Variants in ETNK1 observed in about 807,000 individuals in gnomAD.
ETNK1 encodes the protein ethanolamine kinase 1.
Under a neutral mutation model 45.1 loss-of-function variants are expected in ETNK1, and 8 were observed. The observed-to-expected ratio is 0.18, with a 90% CI of 0.10 to 0.32. The LOEUF (loss-of-function observed/expected upper bound fraction) is 0.32, where lower values mean the gene tolerates loss of function less well. ETNK1 is among the 10% of genes least tolerant of loss of function. The pLI is 1.00. For missense variants in ETNK1, 302 were observed against 430.6 expected, an observed-to-expected ratio of 0.70 and a Z score of 2.64; for synonymous variants, 152 against 151.9, an observed-to-expected ratio of 1.00 and a Z score of -0.01.
At chr12:22,648,565 G>C (rs1189170576) in intron 2 of ETNK1, among the ~76,000 whole-genome samples, 1 of 151,812 alleles carries the variant, frequency 6.6e-6, no homozygotes, top group East Asian at 1.9e-4. Flanking sequence ...TCTTTTTAGG[G>C]TTCTGAATAA....
intron 6 of ETNK1, among the ~76,000 whole-genome samples, chr12:22,677,422 A>G (rs1228475110): frequency 6.6e-6 from 1 of 152,118 alleles, no homozygotes; most frequent in African/African-American, 2.4e-5. Context: ...GCCTTGTAGT[A>G]TAGTTTGAAG....
intron 1 of ETNK1, chr12:22,639,075 G>A (rs893538537): frequency 1.3e-5 from 2 of 151,952 alleles, no homozygotes; most frequent in Non-Finnish European, 2.9e-5. Flanking sequence ...AGATCCATGC[G>A]TTTGTATGTT....
Position 22,664,037 on chromosome 12 carries a change from G to A in ETNK1, c.700+2832G>A, listed in dbSNP as rs186522682. Among the ~76,000 whole-genome samples the A allele has an allele frequency of 3.3e-5, 5 of 152,010 alleles. No individual in the cohort carries two copies. The East Asian group carries it at 7.7e-4, about 23-fold the overall frequency. ...TATGACAAGAAGCTTACTTAACCTA[G>A]TCTTTAGTGTTACGTTTCAAATTGG... On this transcript the variant is annotated intron_variant, in intron 4 of 7. Coordinates refer to ENST00000266517, the MANE Select transcript of ETNK1 (RefSeq NM_018638.5).
intron 1 of ETNK1, among the ~76,000 whole-genome samples, chr12:22,630,650 G>T (rs896671738): frequency 6.6e-6 from 1 of 151,946 alleles, no homozygotes; most frequent in Non-Finnish European, 1.5e-5. Context: ...TCTCGCTGTA[G>T]CCCAGGCTGG....
chr12:22,671,401 A>G, intron 5 of ETNK1, 46 bp downstream of exon 5: 1 of 1,180,816 alleles, frequency 8.5e-7, no homozygotes, highest in East Asian at 2.3e-5. Flanking sequence ...CGATATTTTC[A>G]GAATATTTCA....
At chr12:22,672,682 A>G (rs912045671) in intron 5 of ETNK1, among the ~76,000 whole-genome samples, 1 of 152,368 alleles carries the variant, frequency 6.6e-6, no homozygotes, top group South Asian at 2.1e-4. Flanking sequence ...TTGGATGTGC[A>G]AACTAAAGAG....
At chr12:22,674,519 A>G (rs988434496) in intron 6 of ETNK1, among the ~76,000 whole-genome samples, 2 of 152,146 alleles carry the variant, frequency 1.3e-5, no homozygotes, top group African/African-American at 4.8e-5. Context: ...TCTTCTATCT[A>G]TTTTCAGTAC....
At position 22,685,001 on chromosome 12, in the gene ETNK1, C is replaced by G; in HGVS notation, c.*47C>G. On this transcript the variant is annotated 3_prime_UTR_variant, in exon 8 of 8. Coordinates refer to ENST00000266517, the MANE Select transcript of ETNK1 (RefSeq NM_018638.5). ...CAGTAGCTGAGCAATGCTTGTGAAT[C>G]TTTTCTTAAGAAATCCCAAAAAGCC... The G allele has an allele frequency of 7.3e-7, 1 of 1,376,884 alleles. No homozygotes were observed. The highest frequency in any genetic ancestry group is 1.0e-6 in the Non-Finnish European group (1 of 998,546). 85.3% of individuals were successfully genotyped at this position (1,376,884 alleles called of 1,614,324 possible).
intron 1 of ETNK1, among the ~76,000 whole-genome samples, chr12:22,630,086 G>A (rs1252877175): frequency 6.6e-6 from 1 of 152,110 alleles, no homozygotes; most frequent in Non-Finnish European, 1.5e-5. Context: ...ATCTTTTTGG[G>A]GACTGAGCAT....
intron 2 of ETNK1, among the ~76,000 whole-genome samples, chr12:22,650,761 G>T (rs577078576): frequency 1.3e-5 from 2 of 151,932 alleles, no homozygotes; most frequent in African/African-American, 4.8e-5. Context: ...ATATAAAAAT[G>T]TAGCATTTTC....
chr12:22,674,912 C>T (rs1266277560), intron 6 of ETNK1, among the ~76,000 whole-genome samples: 2 of 152,252 alleles, frequency 1.3e-5, no homozygotes, highest in South Asian at 4.1e-4. Flanking sequence ...ATACTAAGTA[C>T]TTACTGTTAT....
intron 5 of ETNK1, 136 bp downstream of exon 5, chr12:22,671,491 T>G: frequency 1.5e-6 from 1 of 668,758 alleles, no homozygotes; most frequent in Non-Finnish European, 2.6e-6. Context: ...TTGCTTTTGT[T>G]TATCACTGGA....
At chr12:22,633,527 T>G (rs1183152026) in intron 1 of ETNK1, among the ~76,000 whole-genome samples, 1 of 152,226 alleles carries the variant, frequency 6.6e-6, no homozygotes, top group African/African-American at 2.4e-5. Flanking sequence ...CCGTGACTAT[T>G]CTTGACTTTT....
chr12:22,645,261 T>C (rs1343853839), intron 2 of ETNK1, among the ~76,000 whole-genome samples: 1 of 151,850 alleles, frequency 6.6e-6, no homozygotes, highest in African/African-American at 2.4e-5. Flanking sequence ...AAGCTGGTTT[T>C]GTATATATAC....
At chr12:22,671,681 AC>A (rs1383233861) in intron 5 of ETNK1, among the ~76,000 whole-genome samples, 5 of 151,892 alleles carry the variant, frequency 3.3e-5, no homozygotes, top group Non-Finnish European at 7.4e-5. Flanking sequence ...TACTAAAAAT[AC>A]AAAAAATTTA....
chr12:22,670,007 T>C (rs1954092009), intron 4 of ETNK1, among the ~76,000 whole-genome samples: 1 of 152,044 alleles, frequency 6.6e-6, no homozygotes, highest in African/African-American at 2.4e-5. Flanking sequence ...TTAAATACAA[T>C]TATATTAAAA....
intron 2 of ETNK1, among the ~76,000 whole-genome samples, chr12:22,655,732 T>A (rs1401043202): frequency 6.6e-6 from 1 of 151,860 alleles, no homozygotes; most frequent in African/African-American, 2.4e-5. Flanking sequence ...AGATGTTAAT[T>A]TTTTTTCCTG....
At chr12:22,629,898 T>C (rs961028729) in intron 1 of ETNK1, among the ~76,000 whole-genome samples, 10 of 152,194 alleles carry the variant, frequency 6.6e-5, no homozygotes, top group Admixed American at 6.5e-4. Flanking sequence ...CCTCCCTGTC[T>C]TCAGCATTTT....
chr12:22,678,403 G>A (rs1297001384), intron 6 of ETNK1, among the ~76,000 whole-genome samples: 2 of 152,192 alleles, frequency 1.3e-5, no homozygotes, highest in Admixed American at 1.3e-4. Flanking sequence ...GCATTTGACA[G>A]TATTTACCAT....
Sources: gnomAD v4.1 joint callset for allele counts (sites outside exome capture counted in the v4.1 genomes callset) on GRCh38, gnomAD v4.1.1 for gene constraint, MANE v1.5 for transcripts, NCBI Gene and HGNC (gene_info 2026-07-23, HGNC 2026-07-21) for gene names.